Variants in TRERF1 observed in about 807,000 individuals in gnomAD.
The protein encoded by TRERF1 is transcriptional regulating factor 1.
TRERF1 carries 27 observed loss-of-function variants against 122.9 expected under a neutral mutation model. The ratio of observed to expected loss-of-function variants is 0.22; its 90% CI spans 0.16 to 0.30. TRERF1 has a LOEUF of 0.30. Among genes scored for constraint, TRERF1 ranks in the 10% least tolerant of loss-of-function variants. The pLI, the probability that TRERF1 is intolerant of heterozygous loss-of-function variation, is 1.00. For synonymous variants in TRERF1, 636 were observed against 641.7 expected (o/e 0.99, Z 0.13); for missense variants, 1,248 against 1,560.3 (o/e 0.80, Z 3.37).
At chr6:42,423,563 G>A (rs564614387) in intron 2 of TRERF1, among the ~76,000 whole-genome samples, 1 of 152,180 alleles carries the variant, frequency 6.6e-6, no homozygotes, top group East Asian at 1.9e-4. Flanking sequence ...TGCATGGGCA[G>A]GAAACCATAG....
At chr6:42,428,659 A>G (rs141540758) in intron 2 of TRERF1, among the ~76,000 whole-genome samples, 97 of 152,346 alleles carry the variant, frequency 6.4e-4, no homozygotes, top group Middle Eastern at 3.4e-3. Context: ...TTCATATGGA[A>G]AAACCAAAAC....
intron 8 of TRERF1, among the ~76,000 whole-genome samples, chr6:42,262,358 T>C (rs1377033977): frequency 2.0e-5 from 3 of 150,984 alleles, no homozygotes; most frequent in African/African-American, 4.9e-5. Flanking sequence ...AGGACAAATA[T>C]GACCCAACAT....
At chr6:42,310,220 C>T (rs775629103) in intron 3 of TRERF1, among the ~76,000 whole-genome samples, 16 of 152,162 alleles carry the variant, frequency 1.1e-4, no homozygotes, top group Non-Finnish European at 2.2e-4. Context: ...CCTCCTGCCT[C>T]GGCCTCCCAA....
At chr6:42,262,098 C>G (rs962295393) in intron 8 of TRERF1, among the ~76,000 whole-genome samples, 1 of 152,072 alleles carries the variant, frequency 6.6e-6, no homozygotes, top group African/African-American at 2.4e-5. Context: ...AAAGCACGAA[C>G]TTCCCTGGGC....
chr6:42,306,841 A>G (rs902278007), intron 3 of TRERF1, among the ~76,000 whole-genome samples: 7 of 152,364 alleles, frequency 4.6e-5, no homozygotes, highest in Admixed American at 1.3e-4. Flanking sequence ...TGGTCTCCCC[A>G]GTCAGACTGT....
chr6:42,368,602 G>C (rs979193247), intron 2 of TRERF1, among the ~76,000 whole-genome samples: 1 of 152,270 alleles, frequency 6.6e-6, no homozygotes, highest in South Asian at 2.1e-4. Flanking sequence ...GACACTTCCA[G>C]TAATGTCTCA....
At chr6:42,408,274 TATAC>T (rs1457296118) in intron 2 of TRERF1, among the ~76,000 whole-genome samples, 9 of 142,532 alleles carry the variant, frequency 6.3e-5, no homozygotes, top group African/African-American at 2.4e-4. Context: ...TGTATGTATA[TATAC>T]ATACACATGT....
At chr6:42,238,646 T>TA (rs1046234292) in intron 15 of TRERF1, among the ~76,000 whole-genome samples, 5 of 152,146 alleles carry the variant, frequency 3.3e-5, no homozygotes, top group Admixed American at 1.3e-4. Flanking sequence ...GTGTCCACAA[T>TA]AAGAGTTTCT....
In TRERF1 at chr6:42,276,106, C is replaced by G. The variant is rs1382379897; in HGVS notation, c.-258-6258G>C. 2.6e-5 allele frequency among the ~76,000 whole-genome samples: 4 copies of G among 152,156 alleles called. No homozygotes were observed. The highest frequency in any genetic ancestry group is 9.7e-5 in the African/African-American group (4 of 41,420). On this transcript the variant is annotated intron_variant, in intron 4 of 17. Transcript: ENST00000372922. This position sits in a 1 kb window ranked among gnomAD's most constrained non-coding sequence, Gnocchi z 4.3. ...GGCCTGACCCATGGTTTGCTTGACC[C>G]CTGTTCTAGAGCATCAAAGTCTCTC...
chr6:42,360,570 G>C (rs908315783), intron 3 of TRERF1, among the ~76,000 whole-genome samples: 3 of 152,004 alleles, frequency 2.0e-5, no homozygotes, highest in Non-Finnish European at 4.4e-5. Flanking sequence ...GTCCAAGTTA[G>C]TAAGGTATTA....
intron 5 of TRERF1, among the ~76,000 whole-genome samples, chr6:42,267,132 C>T (rs1418575417): frequency 6.6e-6 from 1 of 152,152 alleles, no homozygotes; most frequent in Non-Finnish European, 1.5e-5. Context: ...CAAGAGCAGC[C>T]TGGGCAACAT....
intron 4 of TRERF1, among the ~76,000 whole-genome samples, chr6:42,288,596 A>AAAAAAAAAAAG: frequency 9.2e-6 from 1 of 109,248 alleles, no homozygotes; most frequent in African/African-American, 2.7e-5. Context: ...AAAAAAAAAA[A>AAAAAAAAAAAG]GAGAGAGAGA....
chr6:42,281,158 C>T (rs910559), intron 4 of TRERF1, among the ~76,000 whole-genome samples: 2,000 of 152,290 alleles, frequency 0.013, 18 homozygotes, highest in South Asian at 0.029. Context: ...AGGCAGATAT[C>T]CTGTTGGTCA....
At chr6:42,285,027 C>A (rs35960710) in intron 4 of TRERF1, among the ~76,000 whole-genome samples, 4,153 of 152,082 alleles carry the variant, frequency 0.027, 56 homozygotes, top group Non-Finnish European at 0.037. Flanking sequence ...TTAGACTTCA[C>A]GGTTTAAGAA....
At chr6:42,278,786 G>A (rs2150021099) in intron 4 of TRERF1, among the ~76,000 whole-genome samples, 1 of 152,254 alleles carries the variant, frequency 6.6e-6, no homozygotes, top group South Asian at 2.1e-4. Flanking sequence ...GTCCCCTAAG[G>A]AGGAGCTGCT....
At position 42,397,109 on chromosome 6, in the gene TRERF1, T is replaced by G. The variant is rs149797792; in HGVS notation, c.-453-34030A>C. Among the ~76,000 whole-genome samples, 964 of 152,308 alleles carry G rather than the reference T, an allele frequency of 6.3e-3. 8 individuals carry two copies. Among genetic ancestry groups the G allele is most frequent in the African/African-American group, 0.022 (925 of 41,566 alleles). Reference sequence around the variant, plus strand: ...CAGTGGATTCTAAGATTAACTGATCTGCAGCCCTGGAAGAAACTTACAAAC... The same window carrying G: ...CAGTGGATTCTAAGATTAACTGATCGGCAGCCCTGGAAGAAACTTACAAAC... On this transcript the variant is annotated intron_variant, in intron 2 of 17. Coordinates refer to ENST00000372922, the Ensembl canonical transcript of TRERF1.
At chr6:42,404,535 T>G (rs1779898383) in intron 2 of TRERF1, among the ~76,000 whole-genome samples, 1 of 151,808 alleles carries the variant, frequency 6.6e-6, no homozygotes, top group African/African-American at 2.4e-5. Context: ...CAATGCTGAC[T>G]CCAAGAAGCA....
At position 42,269,128 on chromosome 6, in the gene TRERF1, G is replaced by C; in HGVS notation, c.463C>G (p.Leu155Val). ...GCCATATTGTTGACCTGAATTCGCA[G>C]GTTTTGGTTGGCAAACACCTGGGTG... is the stretch of plus-strand genomic sequence containing the variant. The change falls in exon 5 of 18, where the codon CTG becomes GTG. Residue 155 changes from leucine to valine, a missense_variant. Coordinates refer to ENST00000372922, the Ensembl canonical transcript of TRERF1. This position sits in a 1 kb window ranked among gnomAD's most constrained non-coding sequence, Gnocchi z 4.9. The C allele has an allele frequency of 1.9e-6, 3 of 1,614,224 alleles. No homozygotes were observed. Among genetic ancestry groups the C allele is most frequent in the Non-Finnish European group, 2.5e-6 (3 of 1,180,038 alleles).
At chr6:42,442,469 C>T (rs1182226373) in intron 2 of TRERF1, among the ~76,000 whole-genome samples, 2 of 152,060 alleles carry the variant, frequency 1.3e-5, no homozygotes, top group Non-Finnish European at 2.9e-5. Context: ...CTAGAAATGA[C>T]CACTAGACCA....
Sources: allele counts gnomAD v4.1 joint callset (sites outside exome capture counted in the v4.1 genomes callset), GRCh38; gene constraint gnomAD v4.1.1; non-coding constraint Gnocchi (gnomAD v3.1); transcripts MANE v1.5; gene names NCBI Gene and HGNC (gene_info 2026-07-23, HGNC 2026-07-21).